TMEM232: variants seen among roughly 807,000 people sequenced by gnomAD.
TMEM232 encodes the protein transmembrane protein 232.
In TMEM232, 80 loss-of-function variants were observed where a neutral mutation model predicts 78.8. That is an observed-to-expected ratio of 1.01 (90% CI 0.85 to 1.22). The LOEUF is 1.22. Ranked by LOEUF, TMEM232 falls within the 50% of genes most tolerant of loss-of-function variation. TMEM232 has a pLI of 0.00. For synonymous variants in TMEM232, 297 were observed against 254.3 expected (o/e 1.17, Z -1.60); for missense variants, 881 against 742.2 (o/e 1.19, Z -2.17).
chr5:110,454,183 TAAC>T (rs762440330), intron 12 of TMEM232, among the ~76,000 whole-genome samples: 12 of 152,122 alleles, frequency 7.9e-5, no homozygotes, highest in Non-Finnish European at 1.6e-4. Flanking sequence ...TAGAATATTC[TAAC>T]AACAGCAGAA....
chr5:110,388,199 C>G (rs1365213317), intron 4 of TMEM232: 3 of 152,214 alleles, frequency 2.0e-5, no homozygotes, highest in Non-Finnish European at 4.4e-5. Flanking sequence ...ACAGGTTGGT[C>G]CGACCAGTTG....
At chr5:110,614,563 G>T (rs750385976) in intron 8 of TMEM232, among the ~76,000 whole-genome samples, 8 of 151,968 alleles carry the variant, frequency 5.3e-5, no homozygotes, top group Non-Finnish European at 1.0e-4. Context: ...GTTAAAGAAA[G>T]AATTGAATTC....
At chr5:110,593,405 A>C (rs1045679284) in intron 10 of TMEM232, among the ~76,000 whole-genome samples, 1 of 152,236 alleles carries the variant, frequency 6.6e-6, no homozygotes, top group Non-Finnish European at 1.5e-5. Context: ...ATTAACAATG[A>C]GTACATGAAT....
chr5:110,615,872 ATAT>A (rs1782860096), intron 8 of TMEM232, among the ~76,000 whole-genome samples: 1 of 151,982 alleles, frequency 6.6e-6, no homozygotes, highest in Non-Finnish European at 1.5e-5. Context: ...TCTGAAGAAG[ATAT>A]TATGAAAACA....
chr5:110,494,133 T>C (rs1393070530), intron 12 of TMEM232, among the ~76,000 whole-genome samples: 2 of 152,260 alleles, frequency 1.3e-5, no homozygotes, highest in Middle Eastern at 3.4e-3. Context: ...CCATGGTATA[T>C]ACGTGCTACA....
chr5:110,736,155 T>G (rs1034077067), intron 1 of TMEM232, among the ~76,000 whole-genome samples: 4 of 152,234 alleles, frequency 2.6e-5, no homozygotes, highest in African/African-American at 9.6e-5. Context: ...TCCTGTGTTA[T>G]GAGTTTCTCA....
intron 12 of TMEM232, among the ~76,000 whole-genome samples, chr5:110,475,548 C>A (rs1763159509): frequency 6.8e-6 from 1 of 147,552 alleles, no homozygotes; most frequent in African/African-American, 2.5e-5. Flanking sequence ...AAATGAGGTC[C>A]AATTGTCTCA....
intron 11 of TMEM232, among the ~76,000 whole-genome samples, chr5:110,556,378 TTTC>T (rs1289161334): frequency 6.7e-6 from 1 of 150,368 alleles, no homozygotes; most frequent in African/African-American, 2.4e-5. Flanking sequence ...CCTTCCTTCC[TTTC>T]TTTCTTTCCT....
At chr5:110,572,855 AT>A (rs1777119975) in intron 10 of TMEM232, among the ~76,000 whole-genome samples, 1 of 152,114 alleles carries the variant, frequency 6.6e-6, no homozygotes, top group South Asian at 2.1e-4. Context: ...TACAACTGTC[AT>A]AAAAAGTAGA....
chr5:110,558,507 G>A (rs1775372871), intron 11 of TMEM232, among the ~76,000 whole-genome samples: 1 of 152,086 alleles, frequency 6.6e-6, no homozygotes, highest in African/African-American at 2.4e-5. Context: ...CCTCAGGGAA[G>A]CACCTCAGTT....
chr5:110,486,537 C>G (rs1764485804), intron 12 of TMEM232, among the ~76,000 whole-genome samples: 1 of 152,110 alleles, frequency 6.6e-6, no homozygotes, highest in Non-Finnish European at 1.5e-5. Context: ...CTACATGTGG[C>G]TAAGCAATTA....
At chr5:110,692,027 TCTCTTGC>T (rs1385453886) in intron 1 of TMEM232, among the ~76,000 whole-genome samples, 2 of 152,118 alleles carry the variant, frequency 1.3e-5, no homozygotes, top group Non-Finnish European at 2.9e-5. Flanking sequence ...TTCAAGCCAT[TCTCTTGC>T]CTCAGCCTCC....
At chr5:110,685,207 C>G (rs1793246769) in intron 1 of TMEM232, among the ~76,000 whole-genome samples, 1 of 151,778 alleles carries the variant, frequency 6.6e-6, no homozygotes, top group African/African-American at 2.4e-5. Context: ...TTATGATGTG[C>G]AAGAAAATGG....
At chr5:110,658,457 C>T (rs553251753) in intron 2 of TMEM232, among the ~76,000 whole-genome samples, 1 of 152,108 alleles carries the variant, frequency 6.6e-6, no homozygotes, top group South Asian at 2.1e-4. Context: ...ATAAAGAAAA[C>T]CCTAAACAGA....
intron 10 of TMEM232, among the ~76,000 whole-genome samples, chr5:110,578,593 TCTC>T (rs1382457045): frequency 2.0e-5 from 3 of 152,048 alleles, no homozygotes; most frequent in East Asian, 3.9e-4. Context: ...TGGTGTTATT[TCTC>T]CTCCTCTTCT....
intron 5 of TMEM232, among the ~76,000 whole-genome samples, chr5:110,634,807 C>A (rs1785586983): frequency 6.6e-6 from 1 of 151,498 alleles, no homozygotes; most frequent in Non-Finnish European, 1.5e-5. Context: ...AAGGACAAAC[C>A]AAACTCAAAA....
chr5:110,593,530 G>C (rs1387832457), intron 10 of TMEM232, among the ~76,000 whole-genome samples: 1 of 152,046 alleles, frequency 6.6e-6, no homozygotes, highest in Non-Finnish European at 1.5e-5. Flanking sequence ...CACATATATG[G>C]AACTAGAGGT....
At chr5:110,482,090 A>C (rs1199008551) in intron 12 of TMEM232, among the ~76,000 whole-genome samples, 1 of 152,178 alleles carries the variant, frequency 6.6e-6, no homozygotes, top group African/African-American at 2.4e-5. Context: ...AAAGCTCCAA[A>C]CAAAATCTAA....
intron 1 of TMEM232, among the ~76,000 whole-genome samples, chr5:110,717,471 A>G (rs1797129250): frequency 6.6e-6 from 1 of 152,144 alleles, no homozygotes; most frequent in South Asian, 2.1e-4. Context: ...CTTCCATCCC[A>G]TCATAAGTTG....
Sources: gnomAD v4.1 joint callset for allele counts (sites outside exome capture counted in the v4.1 genomes callset) on GRCh38, gnomAD v4.1.1 for gene constraint, MANE v1.5 for transcripts, NCBI Gene and HGNC (gene_info 2026-07-23, HGNC 2026-07-21) for gene names.